APAF1: variants seen among roughly 807,000 people sequenced by gnomAD.
The protein encoded by APAF1 is apoptotic peptidase activating factor 1.
APAF1 carries 91 observed loss-of-function variants against 152.4 expected under a neutral mutation model. The ratio of observed to expected loss-of-function variants is 0.60; its 90% CI spans 0.50 to 0.71. APAF1 has a LOEUF of 0.71. Ranked by LOEUF, APAF1 falls within the 30% of genes least tolerant of loss-of-function variation. The pLI, the probability that APAF1 is intolerant of heterozygous loss-of-function variation, is 0.00. For synonymous variants in APAF1, 484 were observed against 494.1 expected, an observed-to-expected ratio of 0.98 and a Z score of 0.27; for missense variants, 1,283 against 1,472.0, an observed-to-expected ratio of 0.87 and a Z score of 2.10.
intron 5 of APAF1, among the ~76,000 whole-genome samples, chr12:98,661,332 TGAGTAAAA>T (rs1220103132): frequency 1.3e-5 from 2 of 152,188 alleles, no homozygotes; most frequent in African/African-American, 4.8e-5. Flanking sequence ...TGACTTCTGT[TGAGTAAAA>T]TAATGTAGCC....
Position 98,732,961 on chromosome 12 carries a change from G to A in APAF1, c.*395G>A. On this transcript the variant is annotated 3_prime_UTR_variant, in exon 27 of 27. Transcript: ENST00000551964. ...CAGGCTGTGCCTCAGGGTAGCAGTG[G>A]CCTGCTTTTTGAACCACACTTACCC... 4.8e-6 allele frequency: 1 copy of A among 206,842 alleles called. No individual in the cohort carries two copies. Among genetic ancestry groups the A allele is most frequent in the Non-Finnish European group, 9.7e-6 (1 of 103,244 alleles). 12.8% of individuals were successfully genotyped at this position (206,842 alleles called of 1,614,324 possible).
chr12:98,680,436 C>T, intron 14 of APAF1, 34 bp downstream of exon 14: 1 of 1,604,568 alleles, frequency 6.2e-7, no homozygotes. Flanking sequence ...GTTGTAATCA[C>T]AACAGAATTC....
intron 22 of APAF1, among the ~76,000 whole-genome samples, chr12:98,716,303 A>G (rs561567252): frequency 1.3e-5 from 2 of 152,326 alleles, no homozygotes; most frequent in Admixed American, 6.5e-5. Flanking sequence ...CCTTCAGCTT[A>G]TGTGCATGCA....
At chr12:98,724,672 A>G (rs1218731222) in intron 24 of APAF1, among the ~76,000 whole-genome samples, 4 of 152,134 alleles carry the variant, frequency 2.6e-5, no homozygotes, top group African/African-American at 9.7e-5. Flanking sequence ...CAGTGTTTCT[A>G]TTACATTTTA....
Position 98,698,508 on chromosome 12 carries a change from G to A in APAF1, c.2305-900G>A, listed in dbSNP as rs77147874. ...CTCTTTTGCATTACCCAGATTACCTGCAGTTGTTGCAAGTAGAAAAGTTTT... is the reference window on the plus strand; with the variant it reads ...CTCTTTTGCATTACCCAGATTACCTACAGTTGTTGCAAGTAGAAAAGTTTT... On this transcript the variant is annotated intron_variant, in intron 16 of 26. Transcript: ENST00000551964. Among the ~76,000 whole-genome samples the A allele has an allele frequency of 2.0e-5, 3 of 152,310 alleles. No individual in the cohort carries two copies. The East Asian group carries it at 5.8e-4, about 29-fold the overall frequency.
At chr12:98,703,317 A>T (rs954215334) in intron 17 of APAF1, 54 bp from the exon 18 acceptor site, 3 of 1,590,252 alleles carry the variant, frequency 1.9e-6, no homozygotes, top group Non-Finnish European at 2.6e-6. Context: ...ATATTAGAAT[A>T]GCTTATCTCT....
chr12:98,681,809 T>C (rs964653636), intron 14 of APAF1, among the ~76,000 whole-genome samples: 3 of 152,188 alleles, frequency 2.0e-5, no homozygotes, highest in Non-Finnish European at 2.9e-5. Flanking sequence ...GTTTCTGTTT[T>C]CTAAGCCAGA....
At chr12:98,678,829 G>A (rs1390191431) in intron 13 of APAF1, among the ~76,000 whole-genome samples, 4 of 152,366 alleles carry the variant, frequency 2.6e-5, no homozygotes, top group Admixed American at 6.5e-5. Context: ...TGACATGCCA[G>A]CCCCCTGCCG....
chr12:98,657,287 C>T (rs1294061592), intron 4 of APAF1, among the ~76,000 whole-genome samples: 1 of 152,206 alleles, frequency 6.6e-6, no homozygotes, highest in East Asian at 1.9e-4. Context: ...AGACTTCAGC[C>T]ATCATTGTCC....
At position 98,734,430 on chromosome 12, in the gene APAF1, CCCAGAAAATATAATCAA is replaced by C. The variant is rs2097766264; in HGVS notation, c.*1865_*1881del. 1 of 152,132 alleles carries C rather than the reference CCCAGAAAATATAATCAA, an allele frequency of 6.6e-6. No individual in the cohort carries two copies. Among genetic ancestry groups the C allele is most frequent in the South Asian group, 2.1e-4 (1 of 4,834 alleles). The allele number at this position is 152,132 out of a possible 1,614,324, so 9.4% of individuals were successfully genotyped here. On this transcript the variant is annotated 3_prime_UTR_variant, in exon 27 of 27. Coordinates refer to ENST00000551964, the MANE Select transcript of APAF1 (RefSeq NM_181861.2). ...AGATAAATTAATAGTAGATGTGGTT[CCCAGAAAATATAATCAA>C]AATTCAAAGATTTTTTTTGTTTCTG... is the stretch of plus-strand genomic sequence containing the variant.
chr12:98,671,947 A>G (rs1427894547), intron 12 of APAF1, among the ~76,000 whole-genome samples: 6 of 152,184 alleles, frequency 3.9e-5, no homozygotes, highest in Admixed American at 3.9e-4. Flanking sequence ...ATTTGGACAA[A>G]TTATCCTAAG....
chr12:98,666,254 ATAAG>A lies in APAF1; in HGVS notation c.1261_1264del (p.Lys421LeufsTer21). 6.2e-7 allele frequency: 1 copy of A among 1,614,006 alleles called. No individual in the cohort carries two copies. The highest frequency in any genetic ancestry group is 8.5e-7 in the Non-Finnish European group (1 of 1,179,910). ...GAAGACATACTGCAGGAGTTTGTAAATAAGTCTCTTTTATTCTGTGATCGGAATG... is the reference window on the plus strand; with the variant it reads ...GAAGACATACTGCAGGAGTTTGTAAATCTCTTTTATTCTGTGATCGGAATG... On this transcript the variant is annotated frameshift_variant, in exon 9 of 27. Transcript: ENST00000551964. LOFTEE classifies it high-confidence loss of function.
chr12:98,667,568 T>C lies in APAF1; in HGVS notation c.1418T>C (p.Leu473Pro). ...CAGAGATATCACCAGCCGCATACTC[T>C]TTCACCAGATCAGGAAGACTGTATG... Reference protein sequence around the residue: ...QFQRYHQPHTLSPDQEDCMYW... With the variant: ...QFQRYHQPHTPSPDQEDCMYW... Residue 473 changes from leucine to proline, a missense_variant, in exon 10 of 27, where the codon CTT becomes CCT. Physicochemically the swap from Leu to Pro is moderately conservative, Grantham distance 98. Transcript: ENST00000551964. The C allele has an allele frequency of 6.2e-6, 10 of 1,614,026 alleles. No homozygotes were observed. The highest frequency in any genetic ancestry group is 7.6e-6 in the Non-Finnish European group (9 of 1,179,964).
intron 22 of APAF1, among the ~76,000 whole-genome samples, chr12:98,717,405 C>T (rs985879853): frequency 6.0e-5 from 9 of 150,438 alleles, no homozygotes; most frequent in Non-Finnish European, 8.9e-5. Flanking sequence ...GACGGAGTTT[C>T]ACTCTTGTTG....
chr12:98,682,052 GT>G lies in APAF1; in HGVS notation c.2047-1072del, dbSNP rs923577593. Among the ~76,000 whole-genome samples, 691 of 123,862 alleles carry G rather than the reference GT, an allele frequency of 5.6e-3. 3 individuals carry two copies. The highest frequency in any genetic ancestry group is 0.018 in the African/African-American group (603 of 33,156). The allele number at this position is 123,862 out of a possible 152,430, so 81.3% of individuals were successfully genotyped here. ...AACTAGAATGATGATTAATTTTTTT[GT>G]TTTTTTTTTTTTTTTTTTGAGACGG... On this transcript the variant is annotated intron_variant, in intron 14 of 26. Transcript: ENST00000551964.
intron 16 of APAF1, among the ~76,000 whole-genome samples, chr12:98,695,530 A>G (rs901888571): frequency 5.9e-5 from 9 of 152,186 alleles, no homozygotes; most frequent in African/African-American, 2.2e-4. Flanking sequence ...ATGCCTGGCT[A>G]GAAGAAATTT....
chr12:98,713,016 C>G (rs1212932347), intron 21 of APAF1, among the ~76,000 whole-genome samples: 2 of 152,136 alleles, frequency 1.3e-5, no homozygotes, highest in Non-Finnish European at 2.9e-5. Flanking sequence ...GGAGGTTTCA[C>G]CAGTGTTGCC....
intron 10 of APAF1, among the ~76,000 whole-genome samples, chr12:98,669,846 G>A (rs900873555): frequency 6.6e-5 from 10 of 151,686 alleles, no homozygotes; most frequent in Non-Finnish European, 1.2e-4. Flanking sequence ...TCTGATTCTA[G>A]CTAATCACCT....
At position 98,699,541 on chromosome 12, in the gene APAF1, T is replaced by A; in HGVS notation, c.2438T>A (p.Ile813Lys). 1 of 1,614,202 alleles carries A rather than the reference T, an allele frequency of 6.2e-7. No homozygotes were observed. The highest frequency in any genetic ancestry group is 8.5e-7 in the Non-Finnish European group (1 of 1,180,012). ...TCGTGGTCTGCTGATGGTGCAAGGA[T>A]AATGGTGGCAGCAAAAAATAAAATC... ...CCSWSADGAR[I>K]MVAAKNKIFL... The change falls in exon 17 of 27, where the codon ATA (isoleucine) becomes AAA (lysine). Residue 813 changes from isoleucine to lysine, a missense_variant. Transcript: ENST00000551964.
Sources: gnomAD v4.1 joint callset for allele counts (sites outside exome capture counted in the v4.1 genomes callset) on GRCh38, gnomAD v4.1.1 for gene constraint, MANE v1.5 for transcripts, NCBI Gene and HGNC (gene_info 2026-07-23, HGNC 2026-07-21) for gene names.